DSCAM: variants seen among roughly 807,000 people sequenced by gnomAD.
The protein encoded by DSCAM is cell adhesion molecule DSCAM.
A neutral mutation model predicts 217.7 loss-of-function variants in DSCAM; 47 were observed. The observed-to-expected ratio is 0.22, with a 90% confidence interval of 0.17 to 0.28. DSCAM has a LOEUF of 0.28. Among genes scored for constraint, DSCAM ranks in the 10% least tolerant of loss-of-function variants. The probability of loss-of-function intolerance (pLI) is 1.00; values close to 1 mark genes in which losing one functional copy is unlikely to be tolerated. For missense variants in DSCAM, 2,080 were observed against 2,618.3 expected, an observed-to-expected ratio of 0.79 and a Z score of 4.49; for synonymous variants, 1,056 against 1,015.3, an observed-to-expected ratio of 1.04 and a Z score of -0.76.
chr21:40,375,210 A>C lies in DSCAM; in HGVS notation c.509-5965T>G, dbSNP rs2074938072. ...CACTTTCCTCCCTCAACACTGTACC[A>C]CACACATCTAAGGATTGTAGCTTTC... On this transcript the variant is annotated intron_variant, in intron 3 of 32. Transcript: ENST00000400454. Among the ~76,000 whole-genome samples, 4 of 152,258 alleles carry C rather than the reference A, an allele frequency of 2.6e-5. No individual in the cohort carries two copies. The South Asian group carries it at 8.3e-4, about 32-fold the overall frequency.
intron 21 of DSCAM, among the ~76,000 whole-genome samples, chr21:40,092,565 C>A (rs1450222254): frequency 1.3e-5 from 2 of 152,214 alleles, no homozygotes; most frequent in African/African-American, 4.8e-5. Context: ...ACTAGCCAGG[C>A]CTTTCTGGCT....
intron 3 of DSCAM, among the ~76,000 whole-genome samples, chr21:40,422,475 A>AT (rs5844015): frequency 0.39 from 59,253 of 151,414 alleles, 12,915 homozygotes; most frequent in Middle Eastern, 0.5. Flanking sequence ...ACTAAAAAAA[A>AT]ATATATATAT....
intron 3 of DSCAM, among the ~76,000 whole-genome samples, chr21:40,385,874 A>G (rs1190242633): frequency 6.6e-6 from 1 of 152,362 alleles, no homozygotes; most frequent in East Asian, 1.9e-4. Context: ...AATAATGCAA[A>G]GTATAAAATA....
At chr21:40,518,574 A>G (rs373777238) in intron 3 of DSCAM, among the ~76,000 whole-genome samples, 1 of 86,666 alleles carries the variant, frequency 1.2e-5, no homozygotes, top group African/African-American at 5.9e-5. Context: ...ACATATATAC[A>G]TACACACACA....
Position 40,391,336 on chromosome 21 carries a change from G to T in DSCAM, c.509-22091C>A, listed in dbSNP as rs186748243. Among the ~76,000 whole-genome samples the T allele has an allele frequency of 5.3e-5, 8 of 152,272 alleles. No individual in the cohort carries two copies. The East Asian group carries it at 1.5e-3, about 29-fold the overall frequency. On this transcript the variant is annotated intron_variant, in intron 3 of 32. Coordinates refer to ENST00000400454, the MANE Select transcript of DSCAM (RefSeq NM_001389.5). ...ACACAAACATATAGAAATCTGGAGG[G>T]AGGCTAAATTTTACACAGTCTACCC...
rs531333514 is a variant in DSCAM at position 40,158,784 on chromosome 21, A to G, written c.3018+8434T>C. Among the ~76,000 whole-genome samples, 3 of 152,326 alleles carry G rather than the reference A, an allele frequency of 2.0e-5. No individual in the cohort carries two copies. In the East Asian group the frequency reaches 5.8e-4, roughly 29 times the overall value. ...ATGGTTTTATTTCTTATACATCTAT[A>G]ATTACTCAAAGCACAAAGTACTTTT... On this transcript the variant is annotated intron_variant, in intron 16 of 32. Transcript: ENST00000400454.
At chr21:40,392,111 C>G (rs2075139300) in intron 3 of DSCAM, among the ~76,000 whole-genome samples, 1 of 152,174 alleles carries the variant, frequency 6.6e-6, no homozygotes, top group South Asian at 2.1e-4. Flanking sequence ...ATATCCTCGT[C>G]TGGCATCCAA....
chr21:40,284,152 G>T (rs994867324), intron 10 of DSCAM, among the ~76,000 whole-genome samples: 3 of 152,168 alleles, frequency 2.0e-5, no homozygotes, highest in African/African-American at 4.8e-5. Context: ...GAAAAAGCAA[G>T]AATAGCAACA....
At chr21:40,402,027 TTTATTCTTA>T (rs930954321) in intron 3 of DSCAM, among the ~76,000 whole-genome samples, 8 of 149,416 alleles carry the variant, frequency 5.4e-5, no homozygotes, top group African/African-American at 1.5e-4. Flanking sequence ...TCAAGTAAAA[TTTATTCTTA>T]TTATTCTTAT....
chr21:40,082,467 C>T (rs1482665370), intron 24 of DSCAM, among the ~76,000 whole-genome samples: 1 of 152,024 alleles, frequency 6.6e-6, no homozygotes, highest in African/African-American at 2.4e-5. Context: ...CTCAACAAAA[C>T]AAAACAAAAA....
At chr21:40,616,842 A>C (rs935663578) in intron 3 of DSCAM, among the ~76,000 whole-genome samples, 1 of 151,638 alleles carries the variant, frequency 6.6e-6, no homozygotes, top group Non-Finnish European at 1.5e-5. Context: ...ACGGTGAAAC[A>C]CCGACTCTAC....
At chr21:40,534,608 G>A (rs1404099911) in intron 3 of DSCAM, among the ~76,000 whole-genome samples, 1 of 152,044 alleles carries the variant, frequency 6.6e-6, no homozygotes, top group Non-Finnish European at 1.5e-5. Flanking sequence ...ATCACCAAGT[G>A]TTCATTTTTA....
At chr21:40,380,515 A>G (rs1357467858) in intron 3 of DSCAM, among the ~76,000 whole-genome samples, 1 of 152,178 alleles carries the variant, frequency 6.6e-6, no homozygotes, top group Admixed American at 6.5e-5. Context: ...CACTCTCATA[A>G]ATGCATTTAC....
At chr21:40,170,941 CA>C (rs2090650403) in intron 15 of DSCAM, among the ~76,000 whole-genome samples, 1 of 152,138 alleles carries the variant, frequency 6.6e-6, no homozygotes, top group Admixed American at 6.5e-5. Flanking sequence ...CTTGATTTTC[CA>C]GTTGAGATAT....
chr21:40,151,580 A>G (rs8130732), intron 16 of DSCAM, among the ~76,000 whole-genome samples: 114,091 of 152,132 alleles, frequency 0.75, 42,968 homozygotes, highest in South Asian at 0.83. Context: ...CACACATGAG[A>G]TGCAAAAAAA....
chr21:40,786,444 T>C (rs927206245), intron 1 of DSCAM, among the ~76,000 whole-genome samples: 2 of 152,148 alleles, frequency 1.3e-5, no homozygotes, highest in African/African-American at 4.8e-5. Context: ...ACCAGCAGCA[T>C]CAGCAGCACA....
intron 2 of DSCAM, among the ~76,000 whole-genome samples, chr21:40,703,385 G>A (rs1231519169): frequency 1.3e-5 from 2 of 152,036 alleles, no homozygotes; most frequent in African/African-American, 2.4e-5. Context: ...CTGATGTGGC[G>A]GCATGCACCT....
Position 40,832,487 on chromosome 21 carries a change from A to G in DSCAM, c.43+14132T>C, listed in dbSNP as rs941137668. Among the ~76,000 whole-genome samples the G allele has an allele frequency of 3.3e-5, 5 of 152,154 alleles. No homozygotes were observed. The South Asian group carries it at 1.0e-3, about 32-fold the overall frequency. On this transcript the variant is annotated intron_variant, in intron 1 of 32. Coordinates refer to ENST00000400454, the MANE Select transcript of DSCAM (RefSeq NM_001389.5). ...ACAATATTCGAAGGGGTATGTGACA[A>G]TCTATGCAGATAATTACTCTCTCTA...
chr21:40,685,500 T>G (rs2090463369), intron 3 of DSCAM, among the ~76,000 whole-genome samples: 1 of 152,148 alleles, frequency 6.6e-6, no homozygotes, highest in Non-Finnish European at 1.5e-5. Context: ...CTCCAGGAGC[T>G]CTCCTGCTCC....
Sources: allele counts gnomAD v4.1 joint callset (sites outside exome capture counted in the v4.1 genomes callset), GRCh38; gene constraint gnomAD v4.1.1; transcripts MANE v1.5; gene names NCBI Gene and HGNC (gene_info 2026-07-23, HGNC 2026-07-21).